The following TIGD7 variants were observed in gnomAD, a reference collection of about 807,000 sequenced individuals.
TIGD7 encodes tigger transposable element-derived protein 7.
Under a neutral mutation model 24.8 loss-of-function variants are expected in TIGD7, and 26 were observed. The observed-to-expected ratio is 1.05, with a 90% CI of 0.77 to 1.45. The LOEUF (loss-of-function observed/expected upper bound fraction) is 1.45. Among genes scored for constraint, TIGD7 ranks in the 40% most tolerant of loss-of-function variants. TIGD7 has a pLI of 0.00. For synonymous variants in TIGD7, 221 were observed against 224.1 expected (o/e 0.99, Z 0.12); for missense variants, 679 against 641.6 (o/e 1.06, Z -0.63).
rs180889763 is a variant in TIGD7, at chr16:3,300,841, C to T, written c.-227G>A. 25 of 565,470 alleles carry T rather than the reference C, an allele frequency of 4.4e-5. No homozygotes were observed. Among genetic ancestry groups the T allele is most frequent in the African/African-American group, 3.5e-4 (18 of 51,402 alleles). The allele number at this position is 565,470 out of a possible 1,614,324, so 35.0% of individuals were successfully genotyped here. A position where few individuals can be genotyped will look rare whatever the true frequency, so the allele number is the denominator to read the frequency against. On this transcript the variant is annotated 5_prime_UTR_variant, in exon 2 of 2. Coordinates refer to ENST00000396862, the MANE Select transcript of TIGD7 (RefSeq NM_033208.4). ...AAAGCTGCCAGTTGCAAAGTCCTGTCTGGCTCTTGCTCCTGCAAGCCATGA... is the reference window on the plus strand; with the variant it reads ...AAAGCTGCCAGTTGCAAAGTCCTGTTTGGCTCTTGCTCCTGCAAGCCATGA...
chr16:3,300,662 C>A lies in TIGD7; in HGVS notation c.-48G>T. The A allele has an allele frequency of 5.3e-6, 8 of 1,522,612 alleles. No homozygotes were observed. Among genetic ancestry groups the A allele is most frequent in the Non-Finnish European group, 7.0e-6 (8 of 1,140,624 alleles). 94.3% of individuals were successfully genotyped at this position (1,522,612 alleles called of 1,614,324 possible). On this transcript the variant is annotated 5_prime_UTR_variant, in exon 2 of 2. Transcript: ENST00000396862. ...CAACAGGAGAAAACAAAGGGAAAAG[C>A]CTTAATGAATTGGCAAAAAAAAAAC...
In TIGD7 at chr16:3,300,715, A is replaced by C; in HGVS notation, c.-101T>G. 1 of 1,476,456 alleles carries C rather than the reference A, an allele frequency of 6.8e-7. No homozygotes were observed. Among genetic ancestry groups the C allele is most frequent in the Non-Finnish European group, 9.0e-7 (1 of 1,116,584 alleles). The allele number at this position is 1,476,456 out of a possible 1,614,324, so 91.5% of individuals were successfully genotyped here. On this transcript the variant is annotated 5_prime_UTR_variant, in exon 2 of 2. Coordinates refer to ENST00000396862, the MANE Select transcript of TIGD7 (RefSeq NM_033208.4). ...ACATTTTTTAAACAAAACTTAGCTG[A>C]AAGCCCCAGAAGGCATGGGCATTGT...
At position 3,300,324 on chromosome 16, in the gene TIGD7, C is replaced by T. The variant is rs199942857; in HGVS notation, c.291G>A (p.Pro97=). The part of the protein sequence containing the change: ...WYQQKRSAGV[P]VRGVELQAAA... Reference sequence around the variant, plus strand: ...CAGCCTGAAGCTCCACGCCTCTTACCGGAACACCGGCTGAGCGTTTCTGTT... The same window carrying T: ...CAGCCTGAAGCTCCACGCCTCTTACTGGAACACCGGCTGAGCGTTTCTGTT... The change falls in exon 2 of 2, where the codon CCG becomes CCA. Residue 97 remains proline, a synonymous_variant. Coordinates refer to ENST00000396862, the MANE Select transcript of TIGD7 (RefSeq NM_033208.4). The T allele has an allele frequency of 8.9e-5, 143 of 1,614,124 alleles. No individual in the cohort carries two copies. Among genetic ancestry groups the T allele is most frequent in the Non-Finnish European group, 1.1e-4 (127 of 1,180,052 alleles).
chr16:3,303,046 C>T (rs1423038678), intron 1 of TIGD7, among the ~76,000 whole-genome samples: 1 of 152,108 alleles, frequency 6.6e-6, no homozygotes, highest in Non-Finnish European at 1.5e-5. Context: ...CCATGTTGGC[C>T]AGGCTGGTCT....
rs1003229233 is a variant in TIGD7, at chr16:3,301,499, T to C, written c.-885A>G. 3 of 167,250 alleles carry C rather than the reference T, an allele frequency of 1.8e-5. No homozygotes were observed. Among genetic ancestry groups the C allele is most frequent in the Non-Finnish European group, 2.9e-5 (2 of 68,124 alleles). 10.4% of individuals were successfully genotyped at this position (167,250 alleles called of 1,614,324 possible). On this transcript the variant is annotated 5_prime_UTR_variant, in exon 2 of 2. Transcript: ENST00000396862. The stretch of plus-strand genomic sequence containing the variant: ...CTTTACCATTCTCAGATCTTCTTTC[T>C]TGGGAACATCTGATTTATTCTCAAG...
At position 3,298,943 on chromosome 16, in the gene TIGD7, C is replaced by T; in HGVS notation, c.*22G>A. ...ACAGCTGGCCTACATCATATAATGG[C>T]AGAAATCTTTAAACACAAAATCTAA... On this transcript the variant is annotated 3_prime_UTR_variant, in exon 2 of 2. Transcript: ENST00000396862. The T allele has an allele frequency of 1.8e-6, 2 of 1,090,490 alleles. No individual in the cohort carries two copies. Among genetic ancestry groups the T allele is most frequent in the African/African-American group, 1.6e-5 (1 of 61,918 alleles). The allele number at this position is 1,090,490 out of a possible 1,614,324, so 67.6% of individuals were successfully genotyped here.
chr16:3,302,061 C>T (rs529806851), intron 1 of TIGD7, 52 bp from the exon 2 acceptor site: 12 of 157,670 alleles, frequency 7.6e-5, no homozygotes, highest in African/African-American at 2.6e-4. Flanking sequence ...GCTGGTATCT[C>T]AGTTATTCTT....
intron 1 of TIGD7, among the ~76,000 whole-genome samples, chr16:3,302,618 ATAAT>A (rs1959970731): frequency 6.6e-6 from 1 of 152,214 alleles, no homozygotes; most frequent in South Asian, 2.1e-4. Flanking sequence ...TGAGGCAACT[ATAAT>A]TAAGGCAGTT....
chr16:3,304,590 A>G (rs1960060274), intron 1 of TIGD7, among the ~76,000 whole-genome samples: 1 of 152,240 alleles, frequency 6.6e-6, no homozygotes, highest in South Asian at 2.1e-4. Context: ...GTATAAGCTG[A>G]CGTTACAAAA....
rs1960104505 is a variant in TIGD7, at chr16:3,305,219, G to A, written c.-1403C>T. Reference sequence around the variant, plus strand: ...CTGGGAGGCGACCCTTACCCGGCGAGGCTCCCGGGACCAAACGCCGCCCGA... The same window carrying A: ...CTGGGAGGCGACCCTTACCCGGCGAAGCTCCCGGGACCAAACGCCGCCCGA... On this transcript the variant is annotated 5_prime_UTR_variant, in exon 1 of 2. Transcript: ENST00000396862. 6.6e-6 allele frequency: 1 copy of A among 152,244 alleles called. No individual in the cohort carries two copies. The highest frequency in any genetic ancestry group is 2.4e-5 in the African/African-American group (1 of 41,456). The allele number at this position is 152,244 out of a possible 1,614,324, so 9.4% of individuals were successfully genotyped here.
rs1959845564 is a variant in TIGD7, at chr16:3,298,889, T to C, written c.*76A>G. On this transcript the variant is annotated 3_prime_UTR_variant, in exon 2 of 2. Coordinates refer to ENST00000396862, the MANE Select transcript of TIGD7 (RefSeq NM_033208.4). Reference sequence around the variant, plus strand: ...TATAAATGGGCACTGATATACAAAATAATGTCAGTTGCTAAAACAAGACAA... The same window carrying C: ...TATAAATGGGCACTGATATACAAAACAATGTCAGTTGCTAAAACAAGACAA... 16 of 530,388 alleles carry C rather than the reference T, an allele frequency of 3.0e-5. No individual in the cohort carries two copies. The highest frequency in any genetic ancestry group is 5.0e-5 in the Non-Finnish European group (16 of 322,676). The allele number at this position is 530,388 out of a possible 1,614,324, so 32.9% of individuals were successfully genotyped here. A position where few individuals can be genotyped will look rare whatever the true frequency, so the allele number is the denominator to read the frequency against.
rs1402941266 is a variant in TIGD7, at chr16:3,298,892, T to C, written c.*73A>G. 3.7e-6 allele frequency: 2 copies of C among 541,948 alleles called. No individual in the cohort carries two copies. Among genetic ancestry groups the C allele is most frequent in the African/African-American group, 1.9e-5 (1 of 51,386 alleles). 33.6% of individuals were successfully genotyped at this position (541,948 alleles called of 1,614,324 possible). A position where few individuals can be genotyped will look rare whatever the true frequency, so the allele number is the denominator to read the frequency against. On this transcript the variant is annotated 3_prime_UTR_variant, in exon 2 of 2. Transcript: ENST00000396862. ...AAATGGGCACTGATATACAAAATAA[T>C]GTCAGTTGCTAAAACAAGACAATTC...
chr16:3,300,557 T>G lies in TIGD7; in HGVS notation c.58A>C (p.Ser20Arg). 6.2e-7 allele frequency: 1 copy of G among 1,608,818 alleles called. No homozygotes were observed. Among genetic ancestry groups the G allele is most frequent in the East Asian group, 2.2e-5 (1 of 44,858 alleles). ...AGTGATCGTCCAGCTTCAATTCTACTTAGAACCTTCATTTTCTCCTCCAAA... is the reference window on the plus strand; with the variant it reads ...AGTGATCGTCCAGCTTCAATTCTACGTAGAACCTTCATTTTCTCCTCCAAA... ...LNLEEKMKVL[S>R]RIEAGRSLKS... Residue 20 changes from serine (S) to arginine (R), a missense_variant, in exon 2 of 2, where the codon AGT becomes CGT. Coordinates refer to ENST00000396862, the MANE Select transcript of TIGD7 (RefSeq NM_033208.4).
In TIGD7 at chr16:3,299,720, G is replaced by A; in HGVS notation, c.895C>T (p.Pro299Ser). 3.9e-6 allele frequency: 6 copies of A among 1,535,602 alleles called. No individual in the cohort carries two copies. The highest frequency in any genetic ancestry group is 1.3e-5 in the South Asian group (1 of 76,628). Residue 299 changes from proline to serine, a missense_variant, in exon 2 of 2, where the codon CCG becomes TCG. Coordinates refer to ENST00000396862, the MANE Select transcript of TIGD7 (RefSeq NM_033208.4). ...VRALLLLDSC[P>S]AHPSSESLTS... ...AGGGATTCAGAGGAAGGATGAGCCGGGCAACTGTCCAGAAGTAACAATGCC... is the reference window on the plus strand; with the variant it reads ...AGGGATTCAGAGGAAGGATGAGCCGAGCAACTGTCCAGAAGTAACAATGCC...
rs559204698 is a variant in TIGD7 at position 3,300,886 on chromosome 16, C to T, written c.-272G>A. On this transcript the variant is annotated 5_prime_UTR_variant, in exon 2 of 2. Transcript: ENST00000396862. ...CCATGAGTGATCATTTTTCAGAATG[C>T]CCCCTACCTCTCCTCTCTTTTGACA... The T allele has an allele frequency of 1.4e-5, 5 of 348,512 alleles. No individual in the cohort carries two copies. The South Asian group carries it at 3.2e-4, about 22-fold the overall frequency. The allele number at this position is 348,512 out of a possible 1,614,324, so 21.6% of individuals were successfully genotyped here. A position where few individuals can be genotyped will look rare whatever the true frequency, so the allele number is the denominator to read the frequency against.
In TIGD7 at chr16:3,300,563, C is replaced by T. The variant is rs1567259125; in HGVS notation, c.52G>A (p.Val18Ile). Residue 18 changes from valine to isoleucine, a missense_variant, in exon 2 of 2, where the codon GTT becomes ATT. Physicochemically the swap from Val to Ile is conservative, Grantham distance 29. Transcript: ENST00000396862. ...TTLNLEEKMK[V>I]LSRIEAGRSL... is the part of the protein sequence containing the mutation. ...CGTCCAGCTTCAATTCTACTTAGAA[C>T]CTTCATTTTCTCCTCCAAATTCAGT... The T allele has an allele frequency of 6.2e-7, 1 of 1,606,446 alleles. No individual in the cohort carries two copies.
In TIGD7 at chr16:3,299,837, C is replaced by A. The variant is rs763707636; in HGVS notation, c.778G>T (p.Glu260Ter). The change falls in exon 2 of 2, where the codon GAA becomes TAA. Residue 260 changes from glutamate (E) to a stop codon, truncating the protein, a stop_gained. Coordinates refer to ENST00000396862, the MANE Select transcript of TIGD7 (RefSeq NM_033208.4). LOFTEE classifies it high-confidence loss of function. Reference protein sequence around the residue: ...KPSKDVWFTRELFSEWFFQNF... With the variant: ...KPSKDVWFTR ...TGAAAAAACCATTCTGAAAACAATT[C>A]TCTGGTGAACCAAACATCTTTACTG... 20 of 1,590,370 alleles carry A rather than the reference C, an allele frequency of 1.3e-5. No individual in the cohort carries two copies. Among genetic ancestry groups the A allele is most frequent in the Non-Finnish European group, 1.7e-5 (20 of 1,170,802 alleles).
At chr16:3,303,399 C>T (rs947194054) in intron 1 of TIGD7, among the ~76,000 whole-genome samples, 1 of 152,228 alleles carries the variant, frequency 6.6e-6, no homozygotes, top group African/African-American at 2.4e-5. Flanking sequence ...CTTAGCACTG[C>T]TAGCAGAACT....
intron 1 of TIGD7, among the ~76,000 whole-genome samples, chr16:3,302,433 TTC>T (rs1167503845): frequency 1.3e-5 from 2 of 152,154 alleles, no homozygotes; most frequent in African/African-American, 4.8e-5. Flanking sequence ...GCCCATAGAA[TTC>T]TCTTAGGTCT....
Sources: gnomAD v4.1 joint callset for allele counts (sites outside exome capture counted in the v4.1 genomes callset) on GRCh38, gnomAD v4.1.1 for gene constraint, MANE v1.5 for transcripts, NCBI Gene and HGNC (gene_info 2026-07-23, HGNC 2026-07-21) for gene names.